BABAM2: variants seen among roughly 807,000 people sequenced by gnomAD.
BABAM2 encodes the protein BRISC and BRCA1 A complex member 2, also known as BRISC and BRCA1-A complex member 2.
In BABAM2, 31 loss-of-function variants were observed where a neutral mutation model predicts 54.7. The ratio of observed to expected loss-of-function variants is 0.57; its 90% CI spans 0.43 to 0.77. BABAM2 has a LOEUF of 0.77. BABAM2 is among the 30% of genes least tolerant of loss of function. BABAM2 has a pLI of 0.00. For synonymous variants in BABAM2, 167 were observed against 162.9 expected, an observed-to-expected ratio of 1.03 and a Z score of -0.19; for missense variants, 364 against 455.8, an observed-to-expected ratio of 0.80 and a Z score of 1.83.
chr2:28,206,532 T>C (rs1678859339), intron 7 of BABAM2, among the ~76,000 whole-genome samples: 1 of 152,162 alleles, frequency 6.6e-6, no homozygotes. Flanking sequence ...GTGGTGATGA[T>C]GTTACTGACT....
At chr2:27,976,806 A>G (rs186923086) in intron 3 of BABAM2, among the ~76,000 whole-genome samples, 2 of 152,220 alleles carry the variant, frequency 1.3e-5, no homozygotes, top group East Asian at 3.9e-4. Context: ...TGTGGCTTGC[A>G]TTATTATTTC....
chr2:28,113,865 C>T (rs1668357968), intron 6 of BABAM2, among the ~76,000 whole-genome samples: 1 of 152,130 alleles, frequency 6.6e-6, no homozygotes, highest in East Asian at 1.9e-4. Context: ...TCCTTCACAT[C>T]CCTTGTAAGT....
At chr2:28,217,484 G>A (rs979124482) in intron 7 of BABAM2, among the ~76,000 whole-genome samples, 8 of 152,178 alleles carry the variant, frequency 5.3e-5, no homozygotes, top group Admixed American at 2.6e-4. Context: ...GTAGCCCTGC[G>A]AACCTAATTA....
intron 11 of BABAM2, among the ~76,000 whole-genome samples, chr2:28,299,691 A>G (rs1300095965): frequency 1.3e-5 from 2 of 152,218 alleles, no homozygotes; most frequent in Admixed American, 6.5e-5. Flanking sequence ...AGCCCAGCAA[A>G]GAAGATAAAG....
At chr2:27,948,271 A>AT (rs886742003) in intron 3 of BABAM2, among the ~76,000 whole-genome samples, 130 of 147,822 alleles carry the variant, frequency 8.8e-4, no homozygotes, top group South Asian at 2.8e-3. Context: ...GATACAGTTG[A>AT]TTTTTTTTTT....
chr2:28,301,797 T>G (rs1045691918), intron 11 of BABAM2, among the ~76,000 whole-genome samples: 3 of 152,240 alleles, frequency 2.0e-5, no homozygotes, highest in Non-Finnish European at 2.9e-5. Flanking sequence ...TCTTCACATC[T>G]TCATATATAT....
chr2:28,042,979 G>C (rs76641985), intron 5 of BABAM2, among the ~76,000 whole-genome samples: 5 of 151,730 alleles, frequency 3.3e-5, no homozygotes, highest in African/African-American at 1.2e-4. Flanking sequence ...AGCTGAGATC[G>C]CGCCACTGCA....
At chr2:28,150,823 A>G (rs945686983) in intron 7 of BABAM2, among the ~76,000 whole-genome samples, 5 of 152,206 alleles carry the variant, frequency 3.3e-5, no homozygotes, top group African/African-American at 9.7e-5. Context: ...ATGAGAAGTG[A>G]ACTGGATGGT....
intron 6 of BABAM2, among the ~76,000 whole-genome samples, chr2:28,113,855 T>G (rs1668356474): frequency 6.6e-6 from 1 of 152,208 alleles, no homozygotes; most frequent in Non-Finnish European, 1.5e-5. Flanking sequence ...CTTGAAGAGA[T>G]CCTTCACATC....
chr2:27,917,037 G>C (rs1351119043), intron 2 of BABAM2, among the ~76,000 whole-genome samples: 1 of 22,156 alleles, frequency 4.5e-5, no homozygotes, highest in Non-Finnish European at 1.0e-4. Flanking sequence ...TTTTTTTTTT[G>C]TGACAGAGGC....
intron 4 of BABAM2, among the ~76,000 whole-genome samples, chr2:28,018,326 G>T (rs895113266): frequency 6.6e-6 from 1 of 152,102 alleles, no homozygotes; most frequent in Non-Finnish European, 1.5e-5. Context: ...AGGTTGTTGC[G>T]AATGCCATTA....
intron 7 of BABAM2, among the ~76,000 whole-genome samples, chr2:28,231,262 T>C (rs1172426627): frequency 6.6e-6 from 1 of 152,140 alleles, no homozygotes; most frequent in Non-Finnish European, 1.5e-5. Context: ...TGGTAATGGC[T>C]CTGCTGGCAG....
At chr2:27,893,036 T>C (rs1664994916) in intron 1 of BABAM2, among the ~76,000 whole-genome samples, 2 of 152,226 alleles carry the variant, frequency 1.3e-5, no homozygotes, top group Non-Finnish European at 2.9e-5. Flanking sequence ...GTTTTAATTT[T>C]CAACATTTAT....
intron 5 of BABAM2, among the ~76,000 whole-genome samples, chr2:28,043,980 C>T (rs1367385883): frequency 2.0e-5 from 3 of 152,230 alleles, no homozygotes; most frequent in Admixed American, 6.5e-5. Flanking sequence ...CTATCACTCT[C>T]TCTGGCTTGC....
chr2:28,298,512 T>G, intron 11 of BABAM2, 21 bp downstream of exon 11: 1 of 1,614,008 alleles, frequency 6.2e-7, no homozygotes, highest in Non-Finnish European at 8.5e-7. Context: ...CTGTCGTTAT[T>G]TCCAACAGGT....
At chr2:27,937,285 A>C (rs1339661804) in intron 3 of BABAM2, among the ~76,000 whole-genome samples, 1 of 152,148 alleles carries the variant, frequency 6.6e-6, no homozygotes, top group Non-Finnish European at 1.5e-5. Flanking sequence ...GTTCAGATGC[A>C]GTTTGTTTTT....
intron 6 of BABAM2, among the ~76,000 whole-genome samples, chr2:28,103,515 C>T (rs1298515377): frequency 6.6e-6 from 1 of 152,000 alleles, no homozygotes; most frequent in African/African-American, 2.4e-5. Flanking sequence ...TGCCATGTTG[C>T]CCAGGCTGGC....
At chr2:28,173,062 T>C (rs1369181987) in intron 7 of BABAM2, among the ~76,000 whole-genome samples, 1 of 152,152 alleles carries the variant, frequency 6.6e-6, no homozygotes, top group Non-Finnish European at 1.5e-5. Flanking sequence ...ACTAATCCCA[T>C]TGAACCAGGG....
At chr2:27,890,182 A>G, upstream of BABAM2, 2 of 1,430,060 alleles carry the variant, frequency 1.4e-6, no homozygotes, top group East Asian at 2.3e-5. The surrounding 1 kb of genome is among the most constrained non-coding windows in gnomAD (Gnocchi z 4.8). Context: ...AGCGCCCAAA[A>G]GCTCCACTGG....
Sources: gnomAD v4.1 joint callset for allele counts (sites outside exome capture counted in the v4.1 genomes callset) on GRCh38, gnomAD v4.1.1 for gene constraint, Gnocchi (gnomAD v3.1) non-coding constraint, MANE v1.5 for transcripts, NCBI Gene and HGNC (gene_info 2026-07-23, HGNC 2026-07-21) for gene names.